Variants in NNMT observed in about 807,000 individuals in gnomAD.
NNMT encodes the protein nicotinamide N-methyltransferase.
In NNMT, 10 loss-of-function variants were observed where a neutral mutation model predicts 11.7. The observed-to-expected ratio is 0.85, with a 90% CI of 0.53 to 1.45. The LOEUF (loss-of-function observed/expected upper bound fraction) is 1.45, where lower values mean the gene tolerates loss of function less well. Among genes scored for constraint, NNMT ranks in the 40% most tolerant of loss-of-function variants. The probability of loss-of-function intolerance (pLI) is 0.00; values close to 1 mark genes in which losing one functional copy is unlikely to be tolerated. For synonymous variants in NNMT, 143 were observed against 133.8 expected, an observed-to-expected ratio of 1.07 and a Z score of -0.48; for missense variants, 381 against 319.4, an observed-to-expected ratio of 1.19 and a Z score of -1.47.
intron 1 of NNMT, among the ~76,000 whole-genome samples, chr11:114,258,090 A>T (rs970838566): frequency 5.9e-5 from 9 of 152,108 alleles, no homozygotes; most frequent in African/African-American, 2.2e-4. Flanking sequence ...CCCGGCTGCC[A>T]CTGCCCTCTG....
chr11:114,288,918 A>G (rs183360045), intron 2 of NNMT, among the ~76,000 whole-genome samples: 3 of 152,258 alleles, frequency 2.0e-5, no homozygotes, highest in East Asian at 1.9e-4. Context: ...TAACCTTGAT[A>G]TTAGGCTTTA....
upstream of NNMT, among the ~76,000 whole-genome samples, chr11:114,293,760 A>G (rs1334703615): frequency 6.6e-6 from 1 of 152,076 alleles, no homozygotes; most frequent in Non-Finnish European, 1.5e-5. Flanking sequence ...GAGCTACCAT[A>G]TGACACAGCA....
At chr11:114,293,051 G>A (rs1312640604), upstream of NNMT, among the ~76,000 whole-genome samples, 1 of 152,112 alleles carries the variant, frequency 6.6e-6, no homozygotes, top group African/African-American at 2.4e-5. Flanking sequence ...TTTTCCAGTT[G>A]TCCATTTTAC....
chr11:114,303,813 G>A (rs1265029433), intron 2 of NNMT, among the ~76,000 whole-genome samples: 3 of 152,068 alleles, frequency 2.0e-5, no homozygotes, highest in Admixed American at 2.0e-4. Flanking sequence ...CTGGGCTCAG[G>A]TGATTTCCCA....
upstream of NNMT, among the ~76,000 whole-genome samples, chr11:114,292,551 T>C (rs193154782): frequency 2.6e-5 from 4 of 152,340 alleles, no homozygotes; most frequent in East Asian, 7.7e-4. Flanking sequence ...CAGCAGACCG[T>C]GTGGGAAGAA....
At chr11:114,312,002 T>A (rs1455784257) in intron 2 of NNMT, 43 bp from the exon 3 acceptor site, 1 of 1,523,844 alleles carries the variant, frequency 6.6e-7, no homozygotes, top group African/African-American at 1.4e-5. Context: ...GGGTTCCCCA[T>A]GACTGGAGTG....
chr11:114,294,146 G>A (rs1945353795), upstream of NNMT, among the ~76,000 whole-genome samples: 1 of 152,112 alleles, frequency 6.6e-6, no homozygotes, highest in Non-Finnish European at 1.5e-5. Flanking sequence ...GGGAAGGGTA[G>A]CGAGGTGGGT....
intron 2 of NNMT, among the ~76,000 whole-genome samples, chr11:114,308,972 T>C (rs1945519988): frequency 6.6e-6 from 1 of 152,174 alleles, no homozygotes; most frequent in African/African-American, 2.4e-5. Context: ...ATCTGACTGG[T>C]AAGTTCTAGT....
chr11:114,297,918 G>C (rs762777636), intron 1 of NNMT, 33 bp from the exon 2 acceptor site: 2 of 1,593,238 alleles, frequency 1.3e-6, no homozygotes, highest in African/African-American at 2.7e-5. Flanking sequence ...TGAGATGCCT[G>C]ATCTCTCCTC....
chr11:114,282,065 AG>A (rs1232478561), intron 2 of NNMT, among the ~76,000 whole-genome samples: 1 of 152,138 alleles, frequency 6.6e-6, no homozygotes, highest in African/African-American at 2.4e-5. Context: ...CCACTCTACT[AG>A]AAATTAAAAA....
intron 2 of NNMT, among the ~76,000 whole-genome samples, chr11:114,268,810 T>G (rs865873714): frequency 6.7e-6 from 1 of 149,156 alleles, no homozygotes; most frequent in African/African-American, 2.5e-5. Flanking sequence ...GCTGGTTCCC[T>G]GCCTTAGAGC....
In NNMT at chr11:114,312,443, C is replaced by T. The variant is rs145609823; in HGVS notation, c.761C>T (p.Ser254Phe). The T allele has an allele frequency of 3.1e-6, 5 of 1,614,074 alleles. No individual in the cohort carries two copies. The highest frequency in any genetic ancestry group is 4.2e-6 in the Non-Finnish European group (5 of 1,179,944). Residue 254 changes from serine to phenylalanine, a missense_variant, in exon 3 of 3, where the codon TCC becomes TTC. Physicochemically the swap from Ser to Phe is radical, Grantham distance 155 (BLOSUM62 -2). Coordinates refer to ENST00000299964, the MANE Select transcript of NNMT (RefSeq NM_006169.3). ...STMANNEGLF[S>F]LVARKLSRPL ...ATGGCCAACAACGAAGGACTTTTCT[C>T]CCTGGTGGCGAGGAAGCTGAGCAGA... is the stretch of plus-strand genomic sequence containing the variant.
chr11:114,276,827 G>T (rs775551762), intron 2 of NNMT, among the ~76,000 whole-genome samples: 1 of 152,176 alleles, frequency 6.6e-6, no homozygotes, highest in Non-Finnish European at 1.5e-5. Context: ...AGAGGTTTCC[G>T]CATCAGGAGA....
At chr11:114,284,764 CTTTTTTTT>C (rs11415162) in intron 2 of NNMT, among the ~76,000 whole-genome samples, 4,898 of 90,512 alleles carry the variant, frequency 0.054, 369 homozygotes, top group African/African-American at 0.19. Context: ...ACCCGGCCAT[CTTTTTTTT>C]TTTTTTTTTT....
chr11:114,276,409 G>T (rs1945213919), intron 2 of NNMT, among the ~76,000 whole-genome samples: 1 of 152,164 alleles, frequency 6.6e-6, no homozygotes, highest in East Asian at 1.9e-4. Flanking sequence ...AGCAGACTTG[G>T]TAGGAGCTAG....
chr11:114,269,013 CAAATTCT>C (rs1190488128), intron 2 of NNMT, among the ~76,000 whole-genome samples: 8 of 151,958 alleles, frequency 5.3e-5, no homozygotes, highest in African/African-American at 1.9e-4. Context: ...AATCCTTTCA[CAAATTCT>C]AAGAGGTAGA....
chr11:114,260,441 C>T (rs1307832424), intron 1 of NNMT, among the ~76,000 whole-genome samples: 1 of 152,186 alleles, frequency 6.6e-6, no homozygotes, highest in East Asian at 1.9e-4. Context: ...GGAATACAGC[C>T]TTTCCTTCAT....
At chr11:114,270,158 C>A (rs1003351194) in intron 2 of NNMT, among the ~76,000 whole-genome samples, 1 of 152,048 alleles carries the variant, frequency 6.6e-6, no homozygotes, top group East Asian at 1.9e-4. Flanking sequence ...TAAACAATTT[C>A]TTTGAGGCTT....
At chr11:114,291,658 TC>T (rs1232451836), upstream of NNMT, among the ~76,000 whole-genome samples, 4 of 152,146 alleles carry the variant, frequency 2.6e-5, no homozygotes, top group East Asian at 7.7e-4. Context: ...TGTCCAGCAT[TC>T]CCGCAGCAGC....
Sources: gnomAD v4.1 joint callset for allele counts (sites outside exome capture counted in the v4.1 genomes callset) on GRCh38, gnomAD v4.1.1 for gene constraint, MANE v1.5 for transcripts, NCBI Gene and HGNC (gene_info 2026-07-23, HGNC 2026-07-21) for gene names.